MYOC: variants seen among roughly 807,000 people sequenced by gnomAD.
MYOC encodes the protein juvenile-onset open-angle glaucoma 1.
MYOC carries 29 observed loss-of-function variants against 28.2 expected under a neutral mutation model. The observed-to-expected ratio is 1.03, with a 90% CI of 0.77 to 1.40. The LOEUF is 1.40. Among genes scored for constraint, MYOC ranks in the 40% most tolerant of loss-of-function variants. The pLI, the probability that MYOC is intolerant of heterozygous loss-of-function variation, is 0.00. For synonymous variants in MYOC, 240 were observed against 245.6 expected, an observed-to-expected ratio of 0.98 and a Z score of 0.21; for missense variants, 569 against 620.6, an observed-to-expected ratio of 0.92 and a Z score of 0.88.
At chr1:171,639,148 TG>T (rs1483304515) in intron 1 of MYOC, among the ~76,000 whole-genome samples, 5 of 152,140 alleles carry the variant, frequency 3.3e-5, no homozygotes, top group African/African-American at 7.2e-5. Flanking sequence ...GTTTGAGATT[TG>T]ATTTTAGATA....
intron 1 of MYOC, among the ~76,000 whole-genome samples, chr1:171,646,118 G>A (rs1045517868): frequency 3.9e-5 from 6 of 152,176 alleles, no homozygotes; most frequent in African/African-American, 7.2e-5. Flanking sequence ...TCTGGCATGC[G>A]GGTGGAAGCC....
chr1:171,640,352 T>A (rs560029527), intron 1 of MYOC, among the ~76,000 whole-genome samples: 133 of 152,218 alleles, frequency 8.7e-4, no homozygotes, highest in Non-Finnish European at 1.4e-3. Flanking sequence ...GTGCTACATG[T>A]CTCTACTCTT....
In MYOC at chr1:171,636,674, T is replaced by C. The variant is rs758812142; in HGVS notation, c.766A>G (p.Thr256Ala). ...GELVWVGEPL[T>A]LRTAETITGK... ...GTAATTGTTTCTGCTGTTCTCAGCG[T>C]GAGAGGCTCTCCTACCCAAACTAGT... is the stretch of plus-strand genomic sequence containing the variant. Residue 256 changes from threonine to alanine, a missense_variant, in exon 3 of 3, where the codon ACG (threonine) becomes GCG (alanine). Thr to Ala is a moderately conservative substitution (Grantham distance 58). Transcript: ENST00000037502. 2 of 1,605,026 alleles carry C rather than the reference T, an allele frequency of 1.2e-6. No homozygotes were observed. Among genetic ancestry groups the C allele is most frequent in the South Asian group, 1.1e-5 (1 of 91,088 alleles).
At chr1:171,641,799 T>C (rs1042119206) in intron 1 of MYOC, among the ~76,000 whole-genome samples, 3 of 152,112 alleles carry the variant, frequency 2.0e-5, no homozygotes, top group Non-Finnish European at 2.9e-5. Flanking sequence ...GGAAAGTCAG[T>C]GCATCCCCTG....
intron 1 of MYOC, among the ~76,000 whole-genome samples, chr1:171,646,488 GGTTTTTTTTTTT>G (rs201682676): frequency 0.024 from 3,633 of 149,330 alleles, 150 homozygotes; most frequent in African/African-American, 0.084. Flanking sequence ...TATTTTTTAA[GGTTTTTTTTTTT>G]GTTTTTTTTT....
chr1:171,650,530 ATTTTC>A (rs1245608087), intron 1 of MYOC, among the ~76,000 whole-genome samples: 1 of 152,164 alleles, frequency 6.6e-6, no homozygotes, highest in Non-Finnish European at 1.5e-5. Flanking sequence ...CACAGCAGGA[ATTTTC>A]TTTGTTATGT....
chr1:171,636,580 C>A lies in MYOC; in HGVS notation c.860G>T (p.Arg287Ile). ...TYPYTQETTW[R>I]IDTVGTDVRQ... ...GACATCCGTGCCAACTGTGTCGATT[C>A]TCCACGTGGTCTCCTGGGTGTAGGG... The change falls in exon 3 of 3, where the codon AGA (arginine) becomes ATA (isoleucine). Residue 287 changes from arginine (R) to isoleucine (I), a missense_variant. Arg to Ile is a moderately conservative substitution (Grantham distance 97, BLOSUM62 -3). Transcript: ENST00000037502. 6.2e-7 allele frequency: 1 copy of A among 1,611,252 alleles called. No individual in the cohort carries two copies. The highest frequency in any genetic ancestry group is 8.5e-7 in the Non-Finnish European group (1 of 1,178,066).
At chr1:171,649,960 T>C (rs570264682) in intron 1 of MYOC, among the ~76,000 whole-genome samples, 2 of 152,318 alleles carry the variant, frequency 1.3e-5, no homozygotes, top group East Asian at 3.9e-4. Flanking sequence ...TAGGTCCCTT[T>C]CCAGTTCCAC....
chr1:171,645,522 C>T (rs766407587), intron 1 of MYOC, among the ~76,000 whole-genome samples: 1 of 152,236 alleles, frequency 6.6e-6, no homozygotes, highest in African/African-American at 2.4e-5. Flanking sequence ...TCCCTCAGCC[C>T]TAGGTGCCTA....
At chr1:171,637,187 G>C (rs764024893) in intron 2 of MYOC, among the ~76,000 whole-genome samples, 5 of 152,112 alleles carry the variant, frequency 3.3e-5, no homozygotes, top group Non-Finnish European at 7.3e-5. Context: ...TTCTACTTAA[G>C]CTGGGCAGGG....
In MYOC at chr1:171,636,590, T is replaced by C. The variant is rs748516657; in HGVS notation, c.850A>G (p.Thr284Ala). ...PKPTYPYTQE[T>A]TWRIDTVGTD... ...CCAACTGTGTCGATTCTCCACGTGG[T>C]CTCCTGGGTGTAGGGGTAGGTGGGC... Residue 284 changes from threonine to alanine, a missense_variant, in exon 3 of 3, where the codon ACC (threonine) becomes GCC (alanine). Thr to Ala is a moderately conservative substitution (Grantham distance 58, BLOSUM62 0). Coordinates refer to ENST00000037502, the MANE Select transcript of MYOC (RefSeq NM_000261.2). The C allele has an allele frequency of 6.2e-7, 1 of 1,611,750 alleles. No homozygotes were observed. The highest frequency in any genetic ancestry group is 8.5e-7 in the Non-Finnish European group (1 of 1,178,418).
At chr1:171,651,637 G>T (rs913498805) in intron 1 of MYOC, among the ~76,000 whole-genome samples, 6 of 152,092 alleles carry the variant, frequency 3.9e-5, no homozygotes, top group Non-Finnish European at 8.8e-5. Context: ...AACATCAAAA[G>T]GTACAAATAA....
intron 1 of MYOC, among the ~76,000 whole-genome samples, chr1:171,646,381 A>T (rs1159385718): frequency 6.6e-6 from 1 of 152,206 alleles, no homozygotes; most frequent in Non-Finnish European, 1.5e-5. Flanking sequence ...TTTTAAAATC[A>T]CTAACATTTC....
chr1:171,649,788 T>G (rs1180142859), intron 1 of MYOC, among the ~76,000 whole-genome samples: 3 of 151,920 alleles, frequency 2.0e-5, no homozygotes, highest in South Asian at 2.1e-4. Flanking sequence ...AGAGTGAAAC[T>G]CTGTCTCAAA....
At chr1:171,641,312 G>C (rs1234351031) in intron 1 of MYOC, among the ~76,000 whole-genome samples, 2 of 152,198 alleles carry the variant, frequency 1.3e-5, no homozygotes, top group Non-Finnish European at 2.9e-5. Flanking sequence ...GGTTGCTCCA[G>C]AAGAGGGCAC....
At position 171,649,386 on chromosome 1, in the gene MYOC, T is replaced by G. The variant is rs539010888; in HGVS notation, c.604+2622A>C. Among the ~76,000 whole-genome samples the G allele has an allele frequency of 2.3e-3, 343 of 152,282 alleles. 1 individual carries two copies. Among genetic ancestry groups the G allele is most frequent in the Admixed American group, 2.9e-3 (45 of 15,292 alleles). On this transcript the variant is annotated intron_variant, in intron 1 of 2. Transcript: ENST00000037502. ...ATATTCCAGCCTCCAGAATGCCCCC[T>G]TTTCCCTAGATCTGGCCTTGAAACA... is the stretch of plus-strand genomic sequence containing the variant.
chr1:171,652,580 A>G lies in MYOC; in HGVS notation c.32T>C (p.Phe11Ser), dbSNP rs1653382401. Residue 11 changes from phenylalanine (F) to serine (S), a missense_variant, in exon 1 of 3, where the codon TTT (phenylalanine) becomes TCT (serine). Phe to Ser is a radical substitution (Grantham distance 155). Coordinates refer to ENST00000037502, the MANE Select transcript of MYOC (RefSeq NM_000261.2). MRFFCARCCS[F>S]GPEMPAVQLL... ...CTGGACAGCTGGCATCTCAGGCCCA[A>G]AGCTGCAGCAACGTGCACAGAAGAA... 3.1e-6 allele frequency: 5 copies of G among 1,614,186 alleles called. No individual in the cohort carries two copies. Among genetic ancestry groups the G allele is most frequent in the Non-Finnish European group, 4.2e-6 (5 of 1,180,026 alleles).
chr1:171,637,154 G>C (rs1163546195), intron 2 of MYOC, among the ~76,000 whole-genome samples: 1 of 152,128 alleles, frequency 6.6e-6, no homozygotes, highest in Non-Finnish European at 1.5e-5. Flanking sequence ...GTTGCACAGA[G>C]GGCTTCAACT....
At chr1:171,641,302 G>C (rs1653072938) in intron 1 of MYOC, among the ~76,000 whole-genome samples, 1 of 152,186 alleles carries the variant, frequency 6.6e-6, no homozygotes, top group Non-Finnish European at 1.5e-5. Context: ...GAAGCACCAG[G>C]GTTGCTCCAG....
Sources: allele counts gnomAD v4.1 joint callset (sites outside exome capture counted in the v4.1 genomes callset), GRCh38; gene constraint gnomAD v4.1.1; transcripts MANE v1.5; gene names NCBI Gene and HGNC (gene_info 2026-07-23, HGNC 2026-07-21).